Variants in ZFP14 observed in about 807,000 individuals in gnomAD.
ZFP14 encodes the protein ZFP14 zinc finger protein, also known as zinc finger protein 14 homolog.
In ZFP14, 22 loss-of-function variants were observed where a neutral mutation model predicts 54.5. The observed-to-expected ratio is 0.40, with a 90% confidence interval of 0.29 to 0.58. ZFP14 has a LOEUF of 0.58. Ranked by LOEUF, ZFP14 falls within the 20% of genes least tolerant of loss-of-function variation. The pLI is 0.39. For missense variants in ZFP14, 470 were observed against 637.8 expected (o/e 0.74, Z 2.83); for synonymous variants, 159 against 204.0 (o/e 0.78, Z 1.88).
chr19:36,364,321 C>G (rs954917309), intron 2 of ZFP14, among the ~76,000 whole-genome samples: 1 of 152,122 alleles, frequency 6.6e-6, no homozygotes, highest in African/African-American at 2.4e-5. Flanking sequence ...CATTTAAGAA[C>G]AGCATGAACA....
intron 4 of ZFP14, among the ~76,000 whole-genome samples, chr19:36,355,531 T>TTA (rs1568469084): frequency 1.4e-5 from 2 of 139,618 alleles, no homozygotes; most frequent in African/African-American, 5.3e-5. Flanking sequence ...TTTTTTTTTT[T>TTA]AAATAGCTAA....
intron 1 of ZFP14, among the ~76,000 whole-genome samples, chr19:36,372,693 C>T (rs892450759): frequency 3.3e-5 from 5 of 152,162 alleles, no homozygotes; most frequent in African/African-American, 1.2e-4. Context: ...AGCAATCACA[C>T]TACTGTATAT....
At chr19:36,348,960 G>A (rs1180219889) in intron 4 of ZFP14, among the ~76,000 whole-genome samples, 3 of 152,052 alleles carry the variant, frequency 2.0e-5, no homozygotes, top group African/African-American at 7.2e-5. Context: ...GGGCACAGTG[G>A]CTCACACCTG....
Position 36,373,837 on chromosome 19 carries a change from G to A in ZFP14, c.-80+5326C>T, listed in dbSNP as rs1221567433. Among the ~76,000 whole-genome samples the A allele has an allele frequency of 2.7e-5, 4 of 150,398 alleles. No individual in the cohort carries two copies. In the East Asian group the frequency reaches 7.9e-4, roughly 30 times the overall value. ...TGAAGCAGGAGGATGGCTTGAGCCT[G>A]GGAAGCAGAGGTTGCAGTGAGCTGA... On this transcript the variant is annotated intron_variant, in intron 1 of 4. Coordinates refer to ENST00000270001, the MANE Select transcript of ZFP14 (RefSeq NM_020917.3).
chr19:36,378,650 T>C (rs1170656613), intron 1 of ZFP14: 1 of 152,228 alleles, frequency 6.6e-6, no homozygotes, highest in South Asian at 2.1e-4. Flanking sequence ...AACAGCAGGA[T>C]TGGGAAAGGA....
rs1021007521 is a variant in ZFP14, at chr19:36,338,774, T to C, written c.*1450A>G. The stretch of plus-strand genomic sequence containing the variant: ...AAACAACTCCTACTGGTTGAAGATA[T>C]GGCATTTTGAGCATCCAAAAGTATA... On this transcript the variant is annotated 3_prime_UTR_variant, in exon 5 of 5. Transcript: ENST00000270001. 8.5e-5 allele frequency: 13 copies of C among 152,244 alleles called. No homozygotes were observed. The highest frequency in any genetic ancestry group is 1.9e-4 in the Non-Finnish European group (13 of 68,046). The allele number at this position is 152,244 out of a possible 1,614,324, so 9.4% of individuals were successfully genotyped here.
At chr19:36,376,911 C>G (rs115756721) in intron 1 of ZFP14, among the ~76,000 whole-genome samples, 1,814 of 152,224 alleles carry the variant, frequency 0.012, 38 homozygotes, top group African/African-American at 0.041. Flanking sequence ...AGGACTAGAA[C>G]CCCCCTACTT....
Position 36,337,430 on chromosome 19 carries a change from A to C in ZFP14, c.*2794T>G, listed in dbSNP as rs563932582. 6.6e-6 allele frequency: 1 copy of C among 152,310 alleles called. No homozygotes were observed. Among genetic ancestry groups the C allele is most frequent in the East Asian group, 1.9e-4 (1 of 5,190 alleles). 9.4% of individuals were successfully genotyped at this position (152,310 alleles called of 1,614,324 possible). A position where few individuals can be genotyped will look rare whatever the true frequency, so the allele number is the denominator to read the frequency against. On this transcript the variant is annotated 3_prime_UTR_variant, in exon 5 of 5. Transcript: ENST00000270001. ...AAAACAATAAAAATAAAATACAATA[A>C]AAATAATGCAAATTGAAAAATACAG...
rs545462128 is a variant in ZFP14 at position 36,340,581 on chromosome 19, C to G, written c.1245G>C (p.Gln415His). ...AGGGTCTCTCACCAATATGAATGCT[C>G]TGGTGTGAAATAAGCTGTGAGTAAC... ...FSSYSQLISH[Q>H]SIHIGERPYE... The change falls in exon 5 of 5, where the codon CAG becomes CAC. Residue 415 changes from glutamine (Q) to histidine (H), a missense_variant. Transcript: ENST00000270001. The surrounding 1 kb of genome is among the most constrained non-coding windows in gnomAD (Gnocchi z 5.4). The G allele has an allele frequency of 1.9e-6, 3 of 1,614,048 alleles. No individual in the cohort carries two copies. In the South Asian group the frequency reaches 3.3e-5, roughly 18 times the overall value.
At position 36,340,801 on chromosome 19, in the gene ZFP14, C is replaced by T. The variant is rs1309534334; in HGVS notation, c.1025G>A (p.Cys342Tyr). The T allele has an allele frequency of 5.6e-6, 9 of 1,614,122 alleles. No homozygotes were observed. The highest frequency in any genetic ancestry group is 2.2e-5 in the East Asian group (1 of 44,884). Residue 342 changes from cysteine to tyrosine, a missense_variant, in exon 5 of 5, where the codon TGT becomes TAT. Transcript: ENST00000270001. The surrounding 1 kb of genome is among the most constrained non-coding windows in gnomAD (Gnocchi z 5.4). Reference protein sequence around the residue: ...KIHFGEKPYECKECGKAFRIC... With the variant: ...KIHFGEKPYEYKECGKAFRIC... The stretch of plus-strand genomic sequence containing the variant: ...TCTAAAAGCCTTTCCACACTCCTTA[C>T]ATTCATAGGGTTTCTCACCAAAATG...
chr19:36,347,930 T>C (rs1053459504), intron 4 of ZFP14, among the ~76,000 whole-genome samples: 2 of 152,034 alleles, frequency 1.3e-5, no homozygotes, highest in African/African-American at 4.8e-5. Context: ...TGGTGGCACG[T>C]GCCTGTAACC....
intron 1 of ZFP14, among the ~76,000 whole-genome samples, chr19:36,370,840 A>G (rs893859509): frequency 6.6e-6 from 1 of 152,262 alleles, no homozygotes; most frequent in African/African-American, 2.4e-5. Context: ...AGTCCTTTCA[A>G]GTGTGCAGAC....
At chr19:36,361,595 C>T (rs1187750495) in intron 3 of ZFP14, among the ~76,000 whole-genome samples, 2 of 151,968 alleles carry the variant, frequency 1.3e-5, no homozygotes, top group Non-Finnish European at 2.9e-5. Context: ...AATGCAGTGG[C>T]GTGATCTCAG....
chr19:36,368,037 T>C (rs1432332903), intron 1 of ZFP14, 66 bp from the exon 2 acceptor site: 2 of 976,688 alleles, frequency 2.0e-6, no homozygotes, highest in Non-Finnish European at 2.9e-6. Context: ...ATGTACATCA[T>C]AAATATGAAA....
chr19:36,347,034 G>A (rs1488920614), intron 4 of ZFP14, among the ~76,000 whole-genome samples: 1 of 152,150 alleles, frequency 6.6e-6, no homozygotes, highest in Non-Finnish European at 1.5e-5. Context: ...GCATGCTCAG[G>A]AACTATCTAG....
intron 2 of ZFP14, among the ~76,000 whole-genome samples, chr19:36,363,517 G>T (rs1258171471): frequency 1.3e-5 from 2 of 151,752 alleles, no homozygotes; most frequent in African/African-American, 4.8e-5. Context: ...CATTTTCAAT[G>T]AGGAGTCATT....
At chr19:36,373,057 C>A (rs1206312104) in intron 1 of ZFP14, among the ~76,000 whole-genome samples, 2 of 152,248 alleles carry the variant, frequency 1.3e-5, no homozygotes, top group East Asian at 3.9e-4. Flanking sequence ...GCGGGAGGAT[C>A]ACCTGAGGTC....
intron 3 of ZFP14, 32 bp from the exon 4 acceptor site, chr19:36,360,565 T>C (rs1189132598): frequency 2.5e-6 from 4 of 1,577,612 alleles, no homozygotes; most frequent in Non-Finnish European, 3.5e-6. Context: ...CATGGAATTA[T>C]ACACCAGAAA....
Position 36,341,265 on chromosome 19 carries a change from A to G in ZFP14, c.561T>C (p.Leu187=). Residue 187 remains leucine (L), a synonymous_variant, in exon 5 of 5, where the codon CTT becomes CTC. Transcript: ENST00000270001. This position sits in a 1 kb window ranked among gnomAD's most constrained non-coding sequence, Gnocchi z 4.2. ...CAGTATGAATTCTCAGGTGTTGACTAAGTGTTGAGCGACGAATAAAGGTCT... is the reference window on the plus strand; with the variant it reads ...CAGTATGAATTCTCAGGTGTTGACTGAGTGTTGAGCGACGAATAAAGGTCT... ...CRKTFIRRST[L]SQHLRIHTGE... The G allele has an allele frequency of 6.2e-7, 1 of 1,614,198 alleles. No homozygotes were observed. The highest frequency in any genetic ancestry group is 1.6e-4 in the Middle Eastern group (1 of 6,062).
Sources: allele counts gnomAD v4.1 joint callset (sites outside exome capture counted in the v4.1 genomes callset), GRCh38; gene constraint gnomAD v4.1.1; non-coding constraint Gnocchi (gnomAD v3.1); transcripts MANE v1.5; gene names NCBI Gene and HGNC (gene_info 2026-07-23, HGNC 2026-07-21).